Variants in HHAT observed in about 807,000 individuals in gnomAD.
HHAT encodes hedgehog acyltransferase.
HHAT carries 47 observed loss-of-function variants against 70.8 expected under a neutral mutation model. That is an observed-to-expected ratio of 0.66 (90% CI 0.53 to 0.85). The LOEUF is 0.85. Ranked by LOEUF, HHAT falls within the 40% of genes least tolerant of loss-of-function variation. HHAT has a pLI of 0.00. For missense variants in HHAT, 609 were observed against 604.8 expected (o/e 1.01, Z -0.07); for synonymous variants, 228 against 247.6 (o/e 0.92, Z 0.74).
At chr1:210,584,250 C>G (rs1464917712) in intron 9 of HHAT, among the ~76,000 whole-genome samples, 1 of 151,696 alleles carries the variant, frequency 6.6e-6, no homozygotes, top group Non-Finnish European at 1.5e-5. Flanking sequence ...CTGCAGCTCA[C>G]TTTTATATAG....
chr1:210,436,073 T>C (rs1267373631), intron 7 of HHAT, among the ~76,000 whole-genome samples: 2 of 151,882 alleles, frequency 1.3e-5, no homozygotes, highest in Non-Finnish European at 2.9e-5. Flanking sequence ...TGTTTTCCTC[T>C]AGCAGTTTCA....
chr1:210,548,705 G>A (rs2095504129), intron 9 of HHAT, among the ~76,000 whole-genome samples: 2 of 152,178 alleles, frequency 1.3e-5, no homozygotes, highest in African/African-American at 4.8e-5. Context: ...CGTGAAGAAG[G>A]AAATCACTGG....
chr1:210,338,464 T>C (rs2085710139), intron 1 of HHAT, among the ~76,000 whole-genome samples: 1 of 152,096 alleles, frequency 6.6e-6, no homozygotes. Flanking sequence ...ACGAGTATTA[T>C]TGGAAAGAAT....
At chr1:210,453,048 T>G (rs780418589) in intron 7 of HHAT, among the ~76,000 whole-genome samples, 24 of 152,316 alleles carry the variant, frequency 1.6e-4, no homozygotes, top group Middle Eastern at 3.4e-3. Flanking sequence ...CCTGTGCACC[T>G]ATCTAAATGG....
chr1:210,327,633 G>A (rs1223723525), upstream of HHAT, among the ~76,000 whole-genome samples: 1 of 151,842 alleles, frequency 6.6e-6, no homozygotes, highest in African/African-American at 2.4e-5. Context: ...AGCCTCCCAA[G>A]TGGCTGGGAT....
intron 10 of HHAT, among the ~76,000 whole-genome samples, chr1:210,601,982 T>A: frequency 7.2e-6 from 1 of 139,344 alleles, no homozygotes; most frequent in Admixed American, 7.3e-5. Context: ...TGTGTGTGTG[T>A]GTGTATGTGT....
chr1:210,514,403 C>T (rs2095017077), intron 9 of HHAT, among the ~76,000 whole-genome samples: 1 of 152,188 alleles, frequency 6.6e-6, no homozygotes, highest in Non-Finnish European at 1.5e-5. Context: ...CATGGGAAAG[C>T]AGGCATGAAC....
At chr1:210,335,187 A>C (rs1442719194) in intron 1 of HHAT, among the ~76,000 whole-genome samples, 5 of 152,232 alleles carry the variant, frequency 3.3e-5, no homozygotes, top group Non-Finnish European at 7.3e-5. Flanking sequence ...ATAATAAATC[A>C]TGACCAAGTT....
chr1:210,575,810 C>G (rs887008068), intron 9 of HHAT, among the ~76,000 whole-genome samples: 1 of 152,116 alleles, frequency 6.6e-6, no homozygotes, highest in African/African-American at 2.4e-5. Flanking sequence ...AATGTGTAAA[C>G]CTGTATAAGG....
chr1:210,648,111 G>C (rs893386333), intron 11 of HHAT, among the ~76,000 whole-genome samples: 1 of 152,106 alleles, frequency 6.6e-6, no homozygotes, highest in Non-Finnish European at 1.5e-5. Context: ...CCCAACCACT[G>C]GTCTGACCCT....
chr1:210,509,713 T>C (rs1172270943), intron 8 of HHAT, among the ~76,000 whole-genome samples: 1 of 152,230 alleles, frequency 6.6e-6, no homozygotes, highest in Non-Finnish European at 1.5e-5. Context: ...TGTGCTGCAC[T>C]GTGCCTGCAT....
In HHAT at chr1:210,442,219, A is replaced by T. The variant is rs1160518304; in HGVS notation, c.857-22286A>T. 5.9e-5 allele frequency among the ~76,000 whole-genome samples: 8 copies of T among 134,656 alleles called. No individual in the cohort carries two copies. In the Admixed American group the frequency reaches 6.2e-4, roughly 10 times the overall value. 88.3% of individuals were successfully genotyped at this position (134,656 alleles called of 152,430 possible). On this transcript the variant is annotated intron_variant, in intron 7 of 11. Transcript: ENST00000261458. ...GGCTGCATAGTATTCCATGGTGTATATGTGCCACATTTTCTTAATCCAGTC... is the reference window on the plus strand; with the variant it reads ...GGCTGCATAGTATTCCATGGTGTATTTGTGCCACATTTTCTTAATCCAGTC...
intron 8 of HHAT, among the ~76,000 whole-genome samples, chr1:210,485,584 A>G (rs1409816471): frequency 6.6e-6 from 1 of 152,242 alleles, no homozygotes; most frequent in Middle Eastern, 3.4e-3. Flanking sequence ...TAAATTATAA[A>G]GAAAAAGAGG....
At chr1:210,333,743 C>T (rs900082904) in intron 1 of HHAT, among the ~76,000 whole-genome samples, 1 of 151,946 alleles carries the variant, frequency 6.6e-6, no homozygotes, top group East Asian at 1.9e-4. Context: ...CTGCAACCTT[C>T]GCCTCCCGAG....
intron 6 of HHAT, among the ~76,000 whole-genome samples, chr1:210,409,733 C>G (rs2092461163): frequency 6.6e-6 from 1 of 152,188 alleles, no homozygotes; most frequent in Admixed American, 6.5e-5. Context: ...GAACTGTCAT[C>G]TTTAATCATC....
At chr1:210,429,853 A>AT (rs897105340) in intron 7 of HHAT, among the ~76,000 whole-genome samples, 5 of 151,876 alleles carry the variant, frequency 3.3e-5, no homozygotes, top group Admixed American at 2.6e-4. Flanking sequence ...TAGTTTTAGC[A>AT]TTTTTTGGTG....
intron 9 of HHAT, among the ~76,000 whole-genome samples, chr1:210,575,593 C>G (rs1297205895): frequency 1.3e-5 from 2 of 152,202 alleles, no homozygotes; most frequent in Non-Finnish European, 2.9e-5. Flanking sequence ...ATACCCCTTT[C>G]TGGTGTACAC....
In HHAT at chr1:210,329,047, T is replaced by C. The variant is rs1433151076; in HGVS notation, c.-101T>C. 12 of 1,433,012 alleles carry C rather than the reference T, an allele frequency of 8.4e-6. No individual in the cohort carries two copies. Among genetic ancestry groups the C allele is most frequent in the Non-Finnish European group, 1.0e-5 (11 of 1,095,522 alleles). 88.8% of individuals were successfully genotyped at this position (1,433,012 alleles called of 1,614,324 possible). ...ACTCGGAAGTGCCGAAAGAGGGGTGTTGGGAACTCGCGGCGCGCGTGAACG... is the reference window on the plus strand; with the variant it reads ...ACTCGGAAGTGCCGAAAGAGGGGTGCTGGGAACTCGCGGCGCGCGTGAACG... On this transcript the variant is annotated 5_prime_UTR_variant, in exon 1 of 12. Coordinates refer to ENST00000261458, the MANE Select transcript of HHAT (RefSeq NM_018194.6).
At chr1:210,579,554 A>T (rs1316533269) in intron 9 of HHAT, among the ~76,000 whole-genome samples, 2 of 152,184 alleles carry the variant, frequency 1.3e-5, no homozygotes, top group Non-Finnish European at 2.9e-5. Flanking sequence ...ATATTGTCTC[A>T]TCTGATCTTC....
Sources: allele counts gnomAD v4.1 joint callset (sites outside exome capture counted in the v4.1 genomes callset), GRCh38; gene constraint gnomAD v4.1.1; transcripts MANE v1.5; gene names NCBI Gene and HGNC (gene_info 2026-07-23, HGNC 2026-07-21).